Variants in NKAIN3 observed in about 807,000 individuals in gnomAD.
NKAIN3 encodes sodium/potassium transporting ATPase interacting 3, also known as sodium/potassium-transporting ATPase subunit beta-1-interacting protein 3.
A neutral mutation model predicts 30.2 loss-of-function variants in NKAIN3; 25 were observed. The observed-to-expected ratio is 0.83, with a 90% CI of 0.60 to 1.16. NKAIN3 has a LOEUF of 1.16. Ranked by LOEUF, NKAIN3 falls within the 50% of genes most tolerant of loss-of-function variation. The pLI is 0.00. For synonymous variants in NKAIN3, 91 were observed against 89.6 expected, an observed-to-expected ratio of 1.02 and a Z score of -0.09; for missense variants, 225 against 254.1, an observed-to-expected ratio of 0.89 and a Z score of 0.78.
chr8:62,414,510 G>A (rs541401002), intron 1 of NKAIN3, among the ~76,000 whole-genome samples: 13 of 152,260 alleles, frequency 8.5e-5, no homozygotes, highest in African/African-American at 1.9e-4. Flanking sequence ...TCTGCTGTTC[G>A]TGGCGTTAAT....
chr8:62,722,262 CA>C (rs1815116363), intron 3 of NKAIN3, among the ~76,000 whole-genome samples: 1 of 152,112 alleles, frequency 6.6e-6, no homozygotes, highest in Admixed American at 6.5e-5. Flanking sequence ...TAAGGAAATT[CA>C]AGTTGTTGAG....
intron 3 of NKAIN3, among the ~76,000 whole-genome samples, chr8:62,655,155 G>C (rs1812729499): frequency 6.6e-6 from 1 of 152,178 alleles, no homozygotes; most frequent in South Asian, 2.1e-4. Context: ...GACTCTTGGA[G>C]TGGGTGTGGA....
intron 4 of NKAIN3, among the ~76,000 whole-genome samples, chr8:62,804,217 T>A (rs1818187861): frequency 6.6e-6 from 1 of 152,186 alleles, no homozygotes; most frequent in Non-Finnish European, 1.5e-5. Flanking sequence ...TGTCTGAAAC[T>A]ATTCCAATCA....
intron 1 of NKAIN3, among the ~76,000 whole-genome samples, chr8:62,436,778 A>G (rs1805187050): frequency 6.6e-6 from 1 of 152,138 alleles, no homozygotes; most frequent in African/African-American, 2.4e-5. Flanking sequence ...TGTGGAGTCA[A>G]TGTGATGTCC....
At chr8:62,540,763 T>C (rs985221455) in intron 1 of NKAIN3, among the ~76,000 whole-genome samples, 1 of 152,064 alleles carries the variant, frequency 6.6e-6, no homozygotes, top group African/African-American at 2.4e-5. Context: ...TAATCTCCTA[T>C]TGTCTAGATC....
chr8:62,875,706 C>CA (rs1267274866), intron 4 of NKAIN3, among the ~76,000 whole-genome samples: 1 of 152,060 alleles, frequency 6.6e-6, no homozygotes. Context: ...ACAAACTTGA[C>CA]AAAAACAAGC....
At chr8:62,436,375 A>AT (rs1306392403) in intron 1 of NKAIN3, among the ~76,000 whole-genome samples, 3 of 152,128 alleles carry the variant, frequency 2.0e-5, no homozygotes, top group Non-Finnish European at 4.4e-5. Context: ...ACATGAAGCT[A>AT]TTTTTTAAGA....
intron 1 of NKAIN3, among the ~76,000 whole-genome samples, chr8:62,400,461 G>A (rs1817904306): frequency 6.6e-6 from 1 of 152,036 alleles, no homozygotes. Context: ...CATGAGTCAT[G>A]ACACCTGGTC....
At position 62,978,576 on chromosome 8, in the gene NKAIN3, T is replaced by G. The variant is rs1413673026; in HGVS notation, c.*13169T>G. The G allele has an allele frequency of 1.3e-5, 2 of 152,274 alleles. No individual in the cohort carries two copies. Among genetic ancestry groups the G allele is most frequent in the South Asian group, 2.1e-4 (1 of 4,826 alleles). The allele number at this position is 152,274 out of a possible 1,614,324, so 9.4% of individuals were successfully genotyped here. A position where few individuals can be genotyped will look rare whatever the true frequency, so the allele number is the denominator to read the frequency against. ...CAGATACCTCTCCCCCAACCAAGCTTGAGCATCCCAGGTCTACTTCAGACT... is the reference window on the plus strand; with the variant it reads ...CAGATACCTCTCCCCCAACCAAGCTGGAGCATCCCAGGTCTACTTCAGACT... On this transcript the variant is annotated 3_prime_UTR_variant, in exon 7 of 7. Transcript: ENST00000623646.
intron 3 of NKAIN3, among the ~76,000 whole-genome samples, chr8:62,637,194 T>C (rs1469864984): frequency 1.3e-5 from 2 of 152,182 alleles, no homozygotes; most frequent in Non-Finnish European, 2.9e-5. Context: ...TCCCAAAGAC[T>C]TTTCATCCTT....
At chr8:62,464,669 A>G (rs1337913557) in intron 1 of NKAIN3, among the ~76,000 whole-genome samples, 1 of 152,180 alleles carries the variant, frequency 6.6e-6, no homozygotes, top group African/African-American at 2.4e-5. Flanking sequence ...GGTCAGGAAG[A>G]TCCTCAAGTA....
At chr8:62,259,813 G>T (rs959964356) in intron 1 of NKAIN3, among the ~76,000 whole-genome samples, 1 of 152,108 alleles carries the variant, frequency 6.6e-6, no homozygotes, top group Non-Finnish European at 1.5e-5. Context: ...TTTGACACTG[G>T]TAAGAGCATC....
intron 4 of NKAIN3, among the ~76,000 whole-genome samples, chr8:62,757,566 G>A (rs1166850291): frequency 1.3e-5 from 2 of 152,112 alleles, no homozygotes; most frequent in East Asian, 3.8e-4. Context: ...CAGAAAATGA[G>A]AGTTCTAAAC....
At chr8:62,303,280 C>T (rs1814116251) in intron 1 of NKAIN3, among the ~76,000 whole-genome samples, 1 of 150,414 alleles carries the variant, frequency 6.6e-6, no homozygotes, top group Admixed American at 6.6e-5. Context: ...CAAATTTCCG[C>T]ATTCTAATTT....
rs187696271 is a variant in NKAIN3, at chr8:62,342,922, T to C, written c.54+93795T>C. 2.4e-3 allele frequency among the ~76,000 whole-genome samples: 361 copies of C among 152,096 alleles called. 3 individuals carry two copies. The highest frequency in any genetic ancestry group is 1.9e-3 in the Non-Finnish European group (131 of 67,972). On this transcript the variant is annotated intron_variant, in intron 1 of 6. Transcript: ENST00000623646. ...AATATAACTATCAATGTGCCAACAA[T>C]AGACATTTGGGGGAGGAACTGGGAA...
chr8:62,641,628 C>T (rs577252774), intron 3 of NKAIN3, among the ~76,000 whole-genome samples: 24 of 152,202 alleles, frequency 1.6e-4, no homozygotes, highest in African/African-American at 5.3e-4. Flanking sequence ...AGAAATGTTT[C>T]CTGGGCATTC....
chr8:62,719,753 CTTTTTTTTTTTTTT>C (rs60637445), intron 3 of NKAIN3, among the ~76,000 whole-genome samples: 1 of 90,472 alleles, frequency 1.1e-5, no homozygotes, highest in Admixed American at 1.4e-4. Flanking sequence ...ACATTTCTTT[CTTTTTTTTTTTTTT>C]TTTTTTTGAG....
intron 3 of NKAIN3, among the ~76,000 whole-genome samples, chr8:62,699,505 A>G (rs1421695584): frequency 1.3e-5 from 2 of 152,232 alleles, no homozygotes; most frequent in Non-Finnish European, 1.5e-5. Flanking sequence ...AAACTTGCAT[A>G]TTGAATGCTT....
intron 1 of NKAIN3, among the ~76,000 whole-genome samples, chr8:62,547,153 AT>A (rs1159701332): frequency 6.6e-6 from 1 of 152,138 alleles, no homozygotes; most frequent in Non-Finnish European, 1.5e-5. Flanking sequence ...GATCAAATAA[AT>A]TTTAATGACT....
Sources: gnomAD v4.1 joint callset for allele counts (sites outside exome capture counted in the v4.1 genomes callset) on GRCh38, gnomAD v4.1.1 for gene constraint, MANE v1.5 for transcripts, NCBI Gene and HGNC (gene_info 2026-07-23, HGNC 2026-07-21) for gene names.